The following PLEKHA7 variants were observed in gnomAD, a reference collection of about 807,000 sequenced individuals.
PLEKHA7 encodes the protein pleckstrin homology domain-containing family A member 7.
Under a neutral mutation model 170.0 loss-of-function variants are expected in PLEKHA7, and 104 were observed. That is an observed-to-expected ratio of 0.61 (90% confidence interval 0.52 to 0.72). The LOEUF (loss-of-function observed/expected upper bound fraction) is 0.72, where lower values mean the gene tolerates loss of function less well. PLEKHA7 is among the 30% of genes least tolerant of loss of function. The pLI is 0.00. For synonymous variants in PLEKHA7, 648 were observed against 660.8 expected, an observed-to-expected ratio of 0.98 and a Z score of 0.30; for missense variants, 1,615 against 1,671.7, an observed-to-expected ratio of 0.97 and a Z score of 0.59.
Position 16,791,172 on chromosome 11 carries a change from G to T in PLEKHA7, c.2773C>A (p.Leu925Ile), listed in dbSNP as rs758150351. 60 of 1,606,672 alleles carry T rather than the reference G, an allele frequency of 3.7e-5. No homozygotes were observed. The highest frequency in any genetic ancestry group is 5.0e-5 in the Non-Finnish European group (59 of 1,175,516). Residue 925 changes from leucine to isoleucine, a missense_variant, in exon 20 of 27, where the codon CTC becomes ATC. Transcript: ENST00000531066. This position sits in a 1 kb window ranked among gnomAD's most constrained non-coding sequence, Gnocchi z 4.5. ...VEDEAPPRPPLPELYSPEDQP... is the reference protein window; with the variant it reads ...VEDEAPPRPPIPELYSPEDQP... ...TCCTCTGGGCTGTAGAGTTCGGGGA[G>T]TGGGGGCCTGGGAGGTGCTTCATCT...
intron 9 of PLEKHA7, among the ~76,000 whole-genome samples, chr11:16,827,893 G>A (rs921374980): frequency 1.5e-4 from 23 of 151,268 alleles, no homozygotes; most frequent in Admixed American, 6.6e-4. Flanking sequence ...AGCCAGAGGC[G>A]TTTTCATCTC....
At chr11:16,794,866 G>T in intron 18 of PLEKHA7, 44 bp downstream of exon 18, 1 of 1,506,138 alleles carries the variant, frequency 6.6e-7, no homozygotes, top group Non-Finnish European at 9.2e-7. Context: ...CCACCACCCT[G>T]CCCCCAATCA....
intron 19 of PLEKHA7, among the ~76,000 whole-genome samples, chr11:16,792,862 C>G (rs1847955468): frequency 6.6e-6 from 1 of 152,218 alleles, no homozygotes; most frequent in African/African-American, 2.4e-5. Context: ...CAGCCTCAAA[C>G]TCCTGGGCTC....
intron 9 of PLEKHA7, among the ~76,000 whole-genome samples, chr11:16,834,809 G>C (rs1295070504): frequency 6.6e-6 from 1 of 152,154 alleles, no homozygotes; most frequent in Non-Finnish European, 1.5e-5. Context: ...GCCAGTAGAA[G>C]AATATGGACG....
chr11:16,937,407 C>A (rs1860379386), intron 3 of PLEKHA7, among the ~76,000 whole-genome samples: 1 of 152,108 alleles, frequency 6.6e-6, no homozygotes, highest in Admixed American at 6.6e-5. Context: ...GAATGTACAT[C>A]TATGATAAAC....
chr11:16,855,840 C>G lies in PLEKHA7; in HGVS notation c.380G>C (p.Gly127Ala). ...SSMVSETSTA[G>A]TASTLEAKPG... ...CTTGGCCTCCAGGGTGGAGGCGGTC[C>G]CAGCCGTGGATGTTTCACTGACCAT... is the stretch of plus-strand genomic sequence containing the variant. The change falls in exon 5 of 27, where the codon GGG (glycine) becomes GCG (alanine). Residue 127 changes from glycine to alanine, a missense_variant. By Grantham distance (60) the Gly-to-Ala change is moderately conservative. Coordinates refer to ENST00000531066, the MANE Select transcript of PLEKHA7 (RefSeq NM_001329630.2). 1.2e-6 allele frequency: 2 copies of G among 1,614,102 alleles called. No homozygotes were observed. Among genetic ancestry groups the G allele is most frequent in the Non-Finnish European group, 1.7e-6 (2 of 1,179,978 alleles).
At chr11:16,960,532 C>A (rs1287350942) in intron 3 of PLEKHA7, among the ~76,000 whole-genome samples, 1 of 152,094 alleles carries the variant, frequency 6.6e-6, no homozygotes, top group Non-Finnish European at 1.5e-5. Context: ...GCAAGCGTCG[C>A]CCTAGGGGTT....
intron 3 of PLEKHA7, among the ~76,000 whole-genome samples, chr11:16,892,619 CTTTTTTTTTT>C (rs10674972): frequency 3.6e-5 from 3 of 82,416 alleles, no homozygotes; most frequent in African/African-American, 5.2e-5. Flanking sequence ...CTTCCAGCTT[CTTTTTTTTTT>C]TTTTTTTTTT....
intron 8 of PLEKHA7, among the ~76,000 whole-genome samples, chr11:16,845,168 G>A (rs139444465): frequency 2.6e-5 from 4 of 152,228 alleles, no homozygotes; most frequent in East Asian, 3.9e-4. Context: ...TGAAGGACAC[G>A]TGCCCACAGT....
rs368386467 is a variant in PLEKHA7, at chr11:16,971,229, A to G, written c.221+42760T>C. ...CACCAATAAAAGGAGGAGAGTGACA[A>G]TATAGCTTTGTATGTAAGTGGATTT... On this transcript the variant is annotated intron_variant, in intron 3 of 26. Transcript: ENST00000531066. 1.9e-4 allele frequency among the ~76,000 whole-genome samples: 29 copies of G among 152,350 alleles called. No individual in the cohort carries two copies. In the East Asian group the frequency reaches 5.4e-3, roughly 28 times the overall value.
At chr11:16,997,037 C>T (rs527809118) in intron 3 of PLEKHA7, among the ~76,000 whole-genome samples, 1 of 152,318 alleles carries the variant, frequency 6.6e-6, no homozygotes, top group South Asian at 2.1e-4. Context: ...CCAAGCAAGC[C>T]CTTTTTCTGC....
At chr11:16,902,481 C>G (rs1367535297) in intron 3 of PLEKHA7, among the ~76,000 whole-genome samples, 1 of 152,202 alleles carries the variant, frequency 6.6e-6, no homozygotes, top group Non-Finnish European at 1.5e-5. Context: ...GTTCCCACTT[C>G]TCTACGCCCT....
chr11:16,782,705 G>A, intron 26 of PLEKHA7, 49 bp downstream of exon 26: 1 of 1,529,884 alleles, frequency 6.5e-7, no homozygotes, highest in Non-Finnish European at 8.7e-7. Context: ...CAAGCCCACA[G>A]GTGCAGTGGG....
chr11:16,952,120 G>T (rs1216333295), intron 3 of PLEKHA7, among the ~76,000 whole-genome samples: 1 of 152,208 alleles, frequency 6.6e-6, no homozygotes, highest in Non-Finnish European at 1.5e-5. Flanking sequence ...CCTCAGCAAG[G>T]ATTTTTAGTG....
chr11:16,940,104 C>T (rs1202047905), intron 3 of PLEKHA7, among the ~76,000 whole-genome samples: 1 of 152,156 alleles, frequency 6.6e-6, no homozygotes, highest in Admixed American at 6.5e-5. Context: ...AAAACTTTAA[C>T]ATTCCTATCT....
intron 3 of PLEKHA7, among the ~76,000 whole-genome samples, chr11:16,960,530 CG>C (rs1346226595): frequency 6.6e-6 from 1 of 152,112 alleles, no homozygotes; most frequent in Non-Finnish European, 1.5e-5. Flanking sequence ...AGGCAAGCGT[CG>C]CCCTAGGGGT....
intron 3 of PLEKHA7, among the ~76,000 whole-genome samples, chr11:16,895,649 G>A (rs996427431): frequency 6.6e-6 from 1 of 152,164 alleles, no homozygotes; most frequent in Non-Finnish European, 1.5e-5. Context: ...AGAACACAGA[G>A]GGCACCAAGG....
intron 4 of PLEKHA7, among the ~76,000 whole-genome samples, chr11:16,866,527 G>A (rs12793275): frequency 0.038 from 5,838 of 152,058 alleles, 192 homozygotes; most frequent in African/African-American, 0.084. Context: ...GGGAGGCGGA[G>A]GTTGCAGTGA....
intron 10 of PLEKHA7, among the ~76,000 whole-genome samples, chr11:16,822,686 T>G (rs1176678889): frequency 6.6e-6 from 1 of 152,100 alleles, no homozygotes; most frequent in African/African-American, 2.4e-5. Flanking sequence ...GCCTGACCCT[T>G]AGGCTAGGGG....
Sources: allele counts gnomAD v4.1 joint callset (sites outside exome capture counted in the v4.1 genomes callset), GRCh38; gene constraint gnomAD v4.1.1; non-coding constraint Gnocchi (gnomAD v3.1); transcripts MANE v1.5; gene names NCBI Gene and HGNC (gene_info 2026-07-23, HGNC 2026-07-21).